NUBPL: variants seen among roughly 807,000 people sequenced by gnomAD.
The protein encoded by NUBPL is NUBP iron-sulfur cluster assembly factor, mitochondrial, also known as iron-sulfur cluster transfer protein NUBPL.
A neutral mutation model predicts 45.7 loss-of-function variants in NUBPL; 31 were observed. The ratio of observed to expected loss-of-function variants is 0.68; its 90% CI spans 0.51 to 0.92. The LOEUF is 0.92. Among genes scored for constraint, NUBPL ranks in the 40% least tolerant of loss-of-function variants. NUBPL has a pLI of 0.00. For missense variants in NUBPL, 401 were observed against 398.7 expected (o/e 1.01, Z -0.05); for synonymous variants, 144 against 140.9 (o/e 1.02, Z -0.15).
intron 6 of NUBPL, among the ~76,000 whole-genome samples, chr14:31,688,414 A>G (rs1005101395): frequency 6.6e-6 from 1 of 151,838 alleles, no homozygotes; most frequent in Admixed American, 6.6e-5. Context: ...CGTCTCTACT[A>G]AAAATACAAA....
chr14:31,649,831 T>C (rs1440419418), intron 4 of NUBPL, among the ~76,000 whole-genome samples: 3 of 152,204 alleles, frequency 2.0e-5, no homozygotes, highest in African/African-American at 7.2e-5. Flanking sequence ...CCTTAGCTCT[T>C]TGCCTTTAGG....
chr14:31,575,196 A>G (rs1222556341), intron 3 of NUBPL, among the ~76,000 whole-genome samples: 2 of 152,220 alleles, frequency 1.3e-5, no homozygotes, highest in African/African-American at 4.8e-5. Context: ...TTCTGTGATC[A>G]TGTCAGAACA....
intron 10 of NUBPL, among the ~76,000 whole-genome samples, chr14:31,850,792 A>AT (rs112493562): frequency 0.12 from 17,181 of 147,446 alleles, 1,058 homozygotes; most frequent in Non-Finnish European, 0.15. Context: ...TGCCCTGCTA[A>AT]TTTTTTTTTT....
intron 8 of NUBPL, among the ~76,000 whole-genome samples, chr14:31,831,623 C>T (rs542836247): frequency 8.5e-4 from 129 of 152,226 alleles, no homozygotes; most frequent in African/African-American, 3.0e-3. Context: ...GTAGGATTTT[C>T]ATAGGCATAT....
chr14:31,612,205 A>G (rs1404963550), intron 4 of NUBPL, among the ~76,000 whole-genome samples: 6 of 152,270 alleles, frequency 3.9e-5, no homozygotes, highest in Non-Finnish European at 8.8e-5. Flanking sequence ...TACTTTGTAC[A>G]TTAATTTTAA....
intron 4 of NUBPL, among the ~76,000 whole-genome samples, chr14:31,651,898 CAAA>C (rs528694961): frequency 5.5e-5 from 5 of 91,384 alleles, no homozygotes; most frequent in Non-Finnish European, 5.2e-5. Flanking sequence ...GACTCTGTCT[CAAA>C]AAAAAAAAAA....
intron 6 of NUBPL, among the ~76,000 whole-genome samples, chr14:31,725,826 C>T (rs1290868202): frequency 6.6e-6 from 1 of 151,118 alleles, no homozygotes; most frequent in African/African-American, 2.4e-5. Context: ...TTTCCTGCCT[C>T]AGCCTCCCAA....
chr14:31,694,104 C>T (rs1218084174), intron 6 of NUBPL, among the ~76,000 whole-genome samples: 4 of 152,098 alleles, frequency 2.6e-5, no homozygotes, highest in African/African-American at 9.7e-5. Context: ...ATCTGCCCAC[C>T]TCGGCCTCCC....
At chr14:31,734,927 T>C (rs1219970406) in intron 6 of NUBPL, among the ~76,000 whole-genome samples, 5 of 152,216 alleles carry the variant, frequency 3.3e-5, no homozygotes, top group Non-Finnish European at 7.3e-5. Flanking sequence ...GATGATCAGA[T>C]GACATTAAGT....
At chr14:31,711,095 A>T (rs1258142023) in intron 6 of NUBPL, among the ~76,000 whole-genome samples, 1 of 152,186 alleles carries the variant, frequency 6.6e-6, no homozygotes, top group South Asian at 2.1e-4. Flanking sequence ...GATAGATAGG[A>T]TAGATGGGTG....
At chr14:31,689,127 A>G (rs1323024914) in intron 6 of NUBPL, among the ~76,000 whole-genome samples, 1 of 152,188 alleles carries the variant, frequency 6.6e-6, no homozygotes, top group Admixed American at 6.5e-5. Flanking sequence ...TGCAGGGAAC[A>G]TACAAGTGCA....
At chr14:31,847,516 G>A (rs1400229307) in intron 9 of NUBPL, among the ~76,000 whole-genome samples, 3 of 152,190 alleles carry the variant, frequency 2.0e-5, no homozygotes, top group African/African-American at 7.2e-5. Flanking sequence ...GCAAAACACA[G>A]GTTTTGGATA....
chr14:31,737,647 G>A (rs984010338), intron 6 of NUBPL, among the ~76,000 whole-genome samples: 5 of 152,124 alleles, frequency 3.3e-5, no homozygotes, highest in African/African-American at 1.2e-4. Context: ...AGCCGGGCAT[G>A]GTGGCAGGTG....
chr14:31,630,224 G>A (rs17098028), intron 4 of NUBPL, among the ~76,000 whole-genome samples: 44,394 of 152,046 alleles, frequency 0.29, 7,424 homozygotes, highest in South Asian at 0.41. Context: ...GGAGAGAATT[G>A]TAGTAAAATC....
intron 6 of NUBPL, among the ~76,000 whole-genome samples, chr14:31,765,835 AT>A: frequency 6.6e-6 from 1 of 152,194 alleles, no homozygotes; most frequent in Non-Finnish European, 1.5e-5. Context: ...CTACCTCTTT[AT>A]TTATAAGCCA....
chr14:31,720,351 T>C (rs1270563621), intron 6 of NUBPL, among the ~76,000 whole-genome samples: 1 of 152,258 alleles, frequency 6.6e-6, no homozygotes, highest in Non-Finnish European at 1.5e-5. Flanking sequence ...AAATTATCTT[T>C]CTAAAACATG....
chr14:31,660,653 C>G (rs117404274), intron 4 of NUBPL, among the ~76,000 whole-genome samples: 9,806 of 152,210 alleles, frequency 0.064, 417 homozygotes, highest in Non-Finnish European at 0.091. Context: ...ATTATACTCT[C>G]TGTCCCCATT....
At chr14:31,617,596 T>C (rs527281873) in intron 4 of NUBPL, among the ~76,000 whole-genome samples, 2 of 152,370 alleles carry the variant, frequency 1.3e-5, no homozygotes, top group South Asian at 4.1e-4. Context: ...TTGCATATGT[T>C]GAACCAGCCT....
intron 7 of NUBPL, among the ~76,000 whole-genome samples, chr14:31,820,154 G>A (rs8009148): frequency 0.34 from 22,042 of 64,378 alleles, 5,550 homozygotes; most frequent in African/African-American, 0.64. Flanking sequence ...AAAAAAAAAA[G>A]AAAAAGAAAA....
Sources: allele counts gnomAD v4.1 joint callset (sites outside exome capture counted in the v4.1 genomes callset), GRCh38; gene constraint gnomAD v4.1.1; transcripts MANE v1.5; gene names NCBI Gene and HGNC (gene_info 2026-07-23, HGNC 2026-07-21).